PDZRN4: variants seen among roughly 807,000 people sequenced by gnomAD.
PDZRN4 encodes PDZ domain-containing RING finger protein 4.
In PDZRN4, 70 loss-of-function variants were observed where a neutral mutation model predicts 99.0. The ratio of observed to expected loss-of-function variants is 0.71; its 90% CI spans 0.58 to 0.86. The LOEUF (loss-of-function observed/expected upper bound fraction) is 0.86, where lower values mean the gene tolerates loss of function less well. Among genes scored for constraint, PDZRN4 ranks in the 40% least tolerant of loss-of-function variants. The pLI, the probability that PDZRN4 is intolerant of heterozygous loss-of-function variation, is 0.00. For synonymous variants in PDZRN4, 551 were observed against 501.6 expected (o/e 1.10, Z -1.32); for missense variants, 1,474 against 1,331.2 (o/e 1.11, Z -1.67).
intron 3 of PDZRN4, among the ~76,000 whole-genome samples, chr12:41,501,237 T>C (rs901439799): frequency 1.3e-5 from 2 of 152,154 alleles, no homozygotes; most frequent in African/African-American, 2.4e-5. Flanking sequence ...ACCCTCATCA[T>C]TCTCAAACAG....
At chr12:41,485,398 A>T (rs764010526) in intron 3 of PDZRN4, among the ~76,000 whole-genome samples, 1 of 152,190 alleles carries the variant, frequency 6.6e-6, no homozygotes, top group African/African-American at 2.4e-5. Context: ...CCGGTACGGA[A>T]ATGACAAGTC....
intron 3 of PDZRN4, among the ~76,000 whole-genome samples, chr12:41,298,219 A>G (rs1259079762): frequency 1.3e-5 from 2 of 152,182 alleles, no homozygotes; most frequent in Non-Finnish European, 2.9e-5. Context: ...ATGTTAATAT[A>G]TAGGTCAAAT....
In PDZRN4 at chr12:41,366,685, C is replaced by A. The variant is rs530987199; in HGVS notation, c.844-139771C>A. On this transcript the variant is annotated intron_variant, in intron 3 of 9. Coordinates refer to ENST00000402685, the MANE Select transcript of PDZRN4 (RefSeq NM_001164595.2). ...GGGTTTGACAGAGAAAAAGGTTAGA[C>A]AAAGAAAGGTAAATTCTAAAATTCT... is the stretch of plus-strand genomic sequence containing the variant. Among the ~76,000 whole-genome samples, 23 of 151,966 alleles carry A rather than the reference C, an allele frequency of 1.5e-4. No homozygotes were observed. In the East Asian group the frequency reaches 3.9e-3, roughly 26 times the overall value.
chr12:41,249,157 T>C (rs1951152587), intron 3 of PDZRN4, among the ~76,000 whole-genome samples: 1 of 152,122 alleles, frequency 6.6e-6, no homozygotes, highest in African/African-American at 2.4e-5. Context: ...AGAATCAGTT[T>C]CAAAAAGATA....
intron 3 of PDZRN4, among the ~76,000 whole-genome samples, chr12:41,404,392 A>C (rs1484898923): frequency 1.3e-5 from 2 of 152,136 alleles, no homozygotes; most frequent in African/African-American, 4.8e-5. Context: ...ATTCAAAAAC[A>C]CAATCTCCTT....
At chr12:41,242,663 G>T (rs59740712) in intron 3 of PDZRN4, among the ~76,000 whole-genome samples, 8,493 of 152,066 alleles carry the variant, frequency 0.056, 702 homozygotes, top group African/African-American at 0.18. Flanking sequence ...AAAGTTGATT[G>T]GGATTTCAGA....
chr12:41,315,718 A>G (rs1047112334), intron 3 of PDZRN4, among the ~76,000 whole-genome samples: 1 of 152,196 alleles, frequency 6.6e-6, no homozygotes, highest in Non-Finnish European at 1.5e-5. Flanking sequence ...TTCTAGAACT[A>G]TGTATAAGTA....
chr12:41,383,354 T>A (rs1192161889), intron 3 of PDZRN4, among the ~76,000 whole-genome samples: 1 of 152,210 alleles, frequency 6.6e-6, no homozygotes, highest in African/African-American at 2.4e-5. Context: ...AAAAGAAATA[T>A]GAAAAGCAAT....
chr12:41,293,131 TA>T, intron 3 of PDZRN4, among the ~76,000 whole-genome samples: 1 of 146,740 alleles, frequency 6.8e-6, no homozygotes, highest in South Asian at 2.2e-4. Context: ...TGGCCAGTTC[TA>T]AAAAAAGTAT....
chr12:41,228,722 A>G (rs1288482896), intron 3 of PDZRN4, among the ~76,000 whole-genome samples: 1 of 152,148 alleles, frequency 6.6e-6, no homozygotes, highest in Non-Finnish European at 1.5e-5. Flanking sequence ...GAGAGAAAAC[A>G]AAGTTCAGAT....
chr12:41,422,844 T>C (rs1255367883), intron 3 of PDZRN4, among the ~76,000 whole-genome samples: 1 of 152,036 alleles, frequency 6.6e-6, no homozygotes, highest in Non-Finnish European at 1.5e-5. Context: ...ATTAGTAATA[T>C]GTGTGTGTGT....
At chr12:41,405,596 G>A (rs1952340952) in intron 3 of PDZRN4, among the ~76,000 whole-genome samples, 2 of 151,998 alleles carry the variant, frequency 1.3e-5, no homozygotes, top group Admixed American at 6.6e-5. Context: ...TTCATTACTG[G>A]GTATATACCC....
At chr12:41,509,526 A>G in intron 4 of PDZRN4, 1 of 197,008 alleles carries the variant, frequency 5.1e-6, no homozygotes, top group South Asian at 1.4e-4. Context: ...GTATCAATAA[A>G]GCACCACGGA....
At chr12:41,428,682 G>A (rs1379173718) in intron 3 of PDZRN4, among the ~76,000 whole-genome samples, 1 of 152,188 alleles carries the variant, frequency 6.6e-6, no homozygotes. Flanking sequence ...GAGAGGAGTT[G>A]CGACCAGGGA....
At chr12:41,551,446 A>C (rs1358298254) in intron 5 of PDZRN4, among the ~76,000 whole-genome samples, 2 of 151,994 alleles carry the variant, frequency 1.3e-5, no homozygotes, top group African/African-American at 2.4e-5. Flanking sequence ...TAATCTTTAC[A>C]CACACACACA....
At position 41,302,421 on chromosome 12, in the gene PDZRN4, G is replaced by A. The variant is rs116441400; in HGVS notation, c.843+108233G>A. ...TCCAAGGGAAGGGGTGTACACCCCA[G>A]TTTTTAAAATACAACATCAAGTGAT... is the stretch of plus-strand genomic sequence containing the variant. On this transcript the variant is annotated intron_variant, in intron 3 of 9. Transcript: ENST00000402685. 3.6e-4 allele frequency among the ~76,000 whole-genome samples: 55 copies of A among 152,212 alleles called. 1 individual carries two copies. The South Asian group carries it at 0.01, about 29-fold the overall frequency.
chr12:41,521,058 T>A (rs1393215239), intron 5 of PDZRN4, among the ~76,000 whole-genome samples: 1 of 152,124 alleles, frequency 6.6e-6, no homozygotes, highest in African/African-American at 2.4e-5. Flanking sequence ...CGAAATCTAA[T>A]TGTAAGTTGG....
chr12:41,343,898 A>G (rs571433734), intron 3 of PDZRN4, among the ~76,000 whole-genome samples: 82 of 152,198 alleles, frequency 5.4e-4, no homozygotes, highest in African/African-American at 1.9e-3. Flanking sequence ...AGTTAAAAAA[A>G]GCATTTCAAT....
At chr12:41,409,669 G>C (rs1381348528) in intron 3 of PDZRN4, 1 of 152,114 alleles carries the variant, frequency 6.6e-6, no homozygotes, top group African/African-American at 2.4e-5. Context: ...ATGAAACTTA[G>C]AGAAAACTAG....
Sources: allele counts gnomAD v4.1 joint callset (sites outside exome capture counted in the v4.1 genomes callset), GRCh38; gene constraint gnomAD v4.1.1; transcripts MANE v1.5; gene names NCBI Gene and HGNC (gene_info 2026-07-23, HGNC 2026-07-21).